The following TYW1B variants were observed in gnomAD, a reference collection of about 807,000 sequenced individuals.
TYW1B encodes the protein S-adenosyl-L-methionine-dependent tRNA 4-demethylwyosine synthase TYW1B.
TYW1B carries 73 observed loss-of-function variants against 86.9 expected under a neutral mutation model. That is an observed-to-expected ratio of 0.84 (90% confidence interval 0.70 to 1.02). TYW1B has a LOEUF of 1.02. Ranked by LOEUF, TYW1B falls within the 50% of genes least tolerant of loss-of-function variation. The probability of loss-of-function intolerance (pLI) is 0.00; values close to 1 mark genes in which losing one functional copy is unlikely to be tolerated. For missense variants in TYW1B, 637 were observed against 827.4 expected, an observed-to-expected ratio of 0.77 and a Z score of 2.82; for synonymous variants, 248 against 292.8, an observed-to-expected ratio of 0.85 and a Z score of 1.56.
At chr7:72,709,251 T>C (rs1191978023) in intron 10 of TYW1B, among the ~76,000 whole-genome samples, 2 of 151,990 alleles carry the variant, frequency 1.3e-5, no homozygotes, top group African/African-American at 4.8e-5. Flanking sequence ...CTAGAATGGC[T>C]ACTTTCTACA....
At chr7:72,646,292 C>A (rs1812928863) in intron 11 of TYW1B, among the ~76,000 whole-genome samples, 1 of 151,854 alleles carries the variant, frequency 6.6e-6, no homozygotes, top group Non-Finnish European at 1.5e-5. Context: ...AAACTCCTGG[C>A]CTCAAGTGAT....
At chr7:72,714,453 C>A (rs1786737356) in intron 9 of TYW1B, among the ~76,000 whole-genome samples, 1 of 144,756 alleles carries the variant, frequency 6.9e-6, no homozygotes. Flanking sequence ...CTTGCCTCTA[C>A]TAAAAATTAA....
chr7:72,818,304 G>T (rs113750432), intron 2 of TYW1B, among the ~76,000 whole-genome samples: 2 of 151,718 alleles, frequency 1.3e-5, no homozygotes, highest in Non-Finnish European at 2.9e-5. Context: ...ATACCCGGCC[G>T]GGCATGGTGG....
chr7:72,577,411 T>C (rs1331915580), intron 13 of TYW1B, among the ~76,000 whole-genome samples: 2 of 152,170 alleles, frequency 1.3e-5, no homozygotes, highest in Non-Finnish European at 2.9e-5. Context: ...CTGTGAACTC[T>C]ACAACCCAAG....
At chr7:72,822,306 T>C (rs1234222703) in intron 2 of TYW1B, among the ~76,000 whole-genome samples, 2 of 140,504 alleles carry the variant, frequency 1.4e-5, no homozygotes, top group Non-Finnish European at 1.6e-5. Flanking sequence ...AAAAAAGAAA[T>C]GAAAAGGGAA....
chr7:72,582,750 A>T (rs1270355916), intron 13 of TYW1B, among the ~76,000 whole-genome samples: 2 of 152,218 alleles, frequency 1.3e-5, no homozygotes, highest in African/African-American at 4.8e-5. Flanking sequence ...ACCTGATAGC[A>T]AATCCAACGC....
chr7:72,619,877 C>CAT (rs1812173633), intron 12 of TYW1B, among the ~76,000 whole-genome samples: 1 of 152,064 alleles, frequency 6.6e-6, no homozygotes, highest in South Asian at 2.1e-4. Flanking sequence ...TTCACTGAAT[C>CAT]AGAGTTGTTA....
intron 11 of TYW1B, among the ~76,000 whole-genome samples, chr7:72,643,911 T>C (rs1812863802): frequency 6.6e-6 from 1 of 152,136 alleles, no homozygotes; most frequent in Non-Finnish European, 1.5e-5. Context: ...GTCACCATAA[T>C]ACTGATATTG....
intron 7 of TYW1B, among the ~76,000 whole-genome samples, chr7:72,750,620 T>G (rs1463504614): frequency 6.6e-6 from 1 of 152,192 alleles, no homozygotes; most frequent in East Asian, 1.9e-4. Flanking sequence ...AAATTTGGGC[T>G]ACTTTCAACC....
At chr7:72,698,793 G>C (rs1430172381) in intron 10 of TYW1B, among the ~76,000 whole-genome samples, 1 of 152,134 alleles carries the variant, frequency 6.6e-6, no homozygotes, top group African/African-American at 2.4e-5. Context: ...AGTCACAGCG[G>C]TTACATGTAA....
At chr7:72,758,425 T>C (rs549885365) in intron 7 of TYW1B, among the ~76,000 whole-genome samples, 5 of 152,138 alleles carry the variant, frequency 3.3e-5, no homozygotes, top group African/African-American at 4.8e-5. Context: ...TATTCCTAAA[T>C]AAACATTTTT....
Position 72,596,890 on chromosome 7 carries a change from C to G in TYW1B, c.1785+19782G>C, listed in dbSNP as rs1283887866. ...ATGATGTATCTGGTAAGGGATACTA[C>G]CCAAAATATATAGAGAATGCCTAAA... is the stretch of plus-strand genomic sequence containing the variant. On this transcript the variant is annotated intron_variant, in intron 13 of 13. Transcript: ENST00000620995. Among the ~76,000 whole-genome samples, 300 of 150,478 alleles carry G rather than the reference C, an allele frequency of 2.0e-3. 1 individual carries two copies. Among genetic ancestry groups the G allele is most frequent in the African/African-American group, 5.4e-3 (219 of 40,350 alleles).
chr7:72,770,228 A>C (rs556748750), intron 7 of TYW1B, among the ~76,000 whole-genome samples: 1 of 152,066 alleles, frequency 6.6e-6, no homozygotes, highest in East Asian at 1.9e-4. Flanking sequence ...CAAGAGATCA[A>C]GACCATCCTG....
chr7:72,809,557 T>C (rs2030609568), intron 4 of TYW1B, among the ~76,000 whole-genome samples: 1 of 151,866 alleles, frequency 6.6e-6, no homozygotes, highest in Admixed American at 6.6e-5. Flanking sequence ...GGAGGCTGAC[T>C]TGGGAGGATC....
At chr7:72,592,946 T>A (rs1176337072) in intron 13 of TYW1B, among the ~76,000 whole-genome samples, 1 of 152,132 alleles carries the variant, frequency 6.6e-6, no homozygotes, top group Non-Finnish European at 1.5e-5. Context: ...ACAACAATAC[T>A]CAGAGACTTC....
intron 11 of TYW1B, among the ~76,000 whole-genome samples, chr7:72,646,162 C>A (rs1443111331): frequency 1.3e-5 from 2 of 151,916 alleles, no homozygotes; most frequent in African/African-American, 2.4e-5. Context: ...TCAAAAGATT[C>A]TCCTACCTCA....
chr7:72,744,557 A>G lies in TYW1B; in HGVS notation c.1009T>C (p.Trp337Arg), dbSNP rs782435864. 7 of 1,612,896 alleles carry G rather than the reference A, an allele frequency of 4.3e-6. No homozygotes were observed. The East Asian group carries it at 6.7e-5, about 15-fold the overall frequency. The change falls in exon 8 of 14, where the codon TGG becomes CGG. Residue 337 changes from tryptophan to arginine, a missense_variant. Physicochemically the swap from Trp to Arg is moderately radical, Grantham distance 101. Coordinates refer to ENST00000620995, the MANE Select transcript of TYW1B (RefSeq NM_001145440.3). ...TCCATGCAGCGATGGCTCTCATTCC[A>G]TAGAATGTGTGTTTGTAACAAGCTC... ...ERSLLQTHIL[W>R]NESHRCMETT...
In TYW1B at chr7:72,815,420, T is replaced by C. The variant is rs782723471; in HGVS notation, c.197A>G (p.Asn66Ser). The C allele has an allele frequency of 1.1e-5, 18 of 1,610,110 alleles. No individual in the cohort carries two copies. Among genetic ancestry groups the C allele is most frequent in the Non-Finnish European group, 1.5e-5 (18 of 1,179,280 alleles). ...TSLDLPVAIINLKEYDPDDHL... is the reference protein window; with the variant it reads ...TSLDLPVAIISLKEYDPDDHL... ...ATCATCTGGATCATATTCTTTTAGA[T>C]TAATAATGGCCACAGGCAGATCCAG... is the stretch of plus-strand genomic sequence containing the variant. The change falls in exon 3 of 14, where the codon AAT becomes AGT. Residue 66 changes from asparagine (N) to serine (S), a missense_variant. Transcript: ENST00000620995.
intron 11 of TYW1B, among the ~76,000 whole-genome samples, chr7:72,664,113 T>A (rs1304736500): frequency 6.6e-6 from 1 of 152,080 alleles, no homozygotes; most frequent in African/African-American, 2.4e-5. Context: ...AAGCCTTCTG[T>A]GACCCTTCCT....
Sources: gnomAD v4.1 joint callset for allele counts (sites outside exome capture counted in the v4.1 genomes callset) on GRCh38, gnomAD v4.1.1 for gene constraint, MANE v1.5 for transcripts, NCBI Gene and HGNC (gene_info 2026-07-23, HGNC 2026-07-21) for gene names.